GRIA4: variants seen among roughly 807,000 people sequenced by gnomAD.
The protein encoded by GRIA4 is glutamate receptor 4.
Under a neutral mutation model 104.0 loss-of-function variants are expected in GRIA4, and 34 were observed. The observed-to-expected ratio is 0.33, with a 90% CI of 0.25 to 0.44. GRIA4 has a LOEUF of 0.44. Ranked by LOEUF, GRIA4 falls within the 20% of genes least tolerant of loss-of-function variation. The probability of loss-of-function intolerance (pLI) is 1.00; values close to 1 mark genes in which losing one functional copy is unlikely to be tolerated. For missense variants in GRIA4, 750 were observed against 1,096.5 expected, an observed-to-expected ratio of 0.68 and a Z score of 4.46; for synonymous variants, 386 against 381.9, an observed-to-expected ratio of 1.01 and a Z score of -0.13.
At chr11:105,699,503 A>T (rs144054888) in intron 3 of GRIA4, among the ~76,000 whole-genome samples, 106 of 152,300 alleles carry the variant, frequency 7.0e-4, no homozygotes, top group African/African-American at 2.1e-3. Context: ...ATTTTCTTTC[A>T]GTCCGTTCTG....
chr11:105,678,948 T>TA (rs1182556646), intron 3 of GRIA4, among the ~76,000 whole-genome samples: 1 of 152,064 alleles, frequency 6.6e-6, no homozygotes, highest in Non-Finnish European at 1.5e-5. Flanking sequence ...CAGAATGCCC[T>TA]AAAAAACATG....
rs141773185 is a variant in GRIA4, at chr11:105,811,474, C to A, written c.488-50550C>A. ...GGTAGTAGCAGCTTCGAGGTCCCATCCTGTCAGTGAACGAAGGGGTGACTG... is the reference window on the plus strand; with the variant it reads ...GGTAGTAGCAGCTTCGAGGTCCCATACTGTCAGTGAACGAAGGGGTGACTG... On this transcript the variant is annotated intron_variant, in intron 4 of 16. Coordinates refer to ENST00000282499, the MANE Select transcript of GRIA4 (RefSeq NM_000829.4). Among the ~76,000 whole-genome samples the A allele has an allele frequency of 2.0e-3, 299 of 152,152 alleles. 2 individuals carry two copies. The highest frequency in any genetic ancestry group is 6.8e-3 in the African/African-American group (281 of 41,500).
chr11:105,691,079 TTGTGTGCGTGCAAACA>T (rs1439209150), intron 3 of GRIA4, among the ~76,000 whole-genome samples: 3 of 152,144 alleles, frequency 2.0e-5, no homozygotes, highest in Middle Eastern at 3.2e-3. Flanking sequence ...GTGTGTGGGC[TTGTGTGCGTGCAAACA>T]TGTGTGGAGA....
intron 4 of GRIA4, among the ~76,000 whole-genome samples, chr11:105,767,103 G>A (rs951497791): frequency 2.1e-4 from 32 of 152,220 alleles, no homozygotes; most frequent in African/African-American, 7.7e-4. Flanking sequence ...AACAGGAGGT[G>A]TTTCATATAT....
chr11:105,866,884 T>C (rs999615905), intron 5 of GRIA4, among the ~76,000 whole-genome samples: 1 of 151,946 alleles, frequency 6.6e-6, no homozygotes, highest in Non-Finnish European at 1.5e-5. Flanking sequence ...ATTTAAGGAA[T>C]CTAACCAAGT....
intron 3 of GRIA4, chr11:105,707,821 G>A (rs1432019499): frequency 1.3e-5 from 2 of 152,228 alleles, no homozygotes; most frequent in Admixed American, 1.3e-4. Flanking sequence ...GTGCTGCTGG[G>A]GTGGGCTACC....
chr11:105,717,344 A>G (rs12808612), intron 3 of GRIA4, among the ~76,000 whole-genome samples: 18,904 of 152,098 alleles, frequency 0.12, 1,392 homozygotes, highest in South Asian at 0.19. Context: ...TCTTAATGGG[A>G]ATTCTGCTCC....
chr11:105,833,212 G>A (rs193279420), intron 4 of GRIA4, among the ~76,000 whole-genome samples: 4 of 151,940 alleles, frequency 2.6e-5, no homozygotes, highest in African/African-American at 7.2e-5. Context: ...AACCATATAA[G>A]TTTCTTGGGT....
At chr11:105,888,399 T>C (rs936879324) in intron 6 of GRIA4, among the ~76,000 whole-genome samples, 29 of 143,122 alleles carry the variant, frequency 2.0e-4, no homozygotes, top group Admixed American at 1.5e-3. Flanking sequence ...TTCTCCTGCC[T>C]CAGCCTCCCA....
chr11:105,839,637 G>A (rs907237366), intron 4 of GRIA4, among the ~76,000 whole-genome samples: 1 of 151,690 alleles, frequency 6.6e-6, no homozygotes, highest in African/African-American at 2.4e-5. Flanking sequence ...CAGCCCAAGA[G>A]GTAGAGCTTG....
intron 3 of GRIA4, among the ~76,000 whole-genome samples, chr11:105,669,205 C>T (rs1448507285): frequency 2.0e-5 from 3 of 151,894 alleles, no homozygotes; most frequent in East Asian, 1.9e-4. Flanking sequence ...CTAATTTAGA[C>T]CGCAATTTTT....
chr11:105,634,450 AGAAAGAAAGAAAGAAAGG>A (rs1951131004), intron 3 of GRIA4, among the ~76,000 whole-genome samples: 1 of 23,648 alleles, frequency 4.2e-5, no homozygotes, highest in East Asian at 1.2e-3. Context: ...GGAAGGAAGG[AGAAAGAAAGAAAGAAAGG>A]GAAAGAAAGA....
intron 2 of GRIA4, 137 bp downstream of exon 2, chr11:105,611,222 C>T: frequency 1.4e-6 from 1 of 691,256 alleles, no homozygotes. Context: ...CTCTTCCTTT[C>T]TCTCCTTTGC....
chr11:105,625,231 T>C (rs766903195), intron 3 of GRIA4, among the ~76,000 whole-genome samples: 2 of 152,110 alleles, frequency 1.3e-5, no homozygotes, highest in Non-Finnish European at 2.9e-5. Context: ...AAAGACTCTA[T>C]CATGAAGGCC....
At chr11:105,968,858 T>C (rs1248629559) in intron 14 of GRIA4, among the ~76,000 whole-genome samples, 1 of 152,224 alleles carries the variant, frequency 6.6e-6, no homozygotes, top group Non-Finnish European at 1.5e-5. Flanking sequence ...TATGGTTTAG[T>C]CAAAGCACAA....
chr11:105,866,270 T>A (rs1945401952), intron 5 of GRIA4, among the ~76,000 whole-genome samples: 1 of 152,124 alleles, frequency 6.6e-6, no homozygotes, highest in Admixed American at 6.6e-5. Flanking sequence ...CTGTTTGCAG[T>A]GAAGTCTTTT....
In GRIA4 at chr11:105,836,266, G is replaced by C. The variant is rs529537005; in HGVS notation, c.488-25758G>C. On this transcript the variant is annotated intron_variant, in intron 4 of 16. Coordinates refer to ENST00000282499, the MANE Select transcript of GRIA4 (RefSeq NM_000829.4). ...TACTGGGTGCTGACTTGCTCTATTT[G>C]ACTCACTTATCTTGCTCAGGGGGCA... Among the ~76,000 whole-genome samples, 8 of 152,136 alleles carry C rather than the reference G, an allele frequency of 5.3e-5. No homozygotes were observed. In the East Asian group the frequency reaches 1.2e-3, roughly 22 times the overall value.
intron 10 of GRIA4, chr11:105,912,773 A>G: frequency 1.0e-6 from 1 of 981,648 alleles, no homozygotes; most frequent in Non-Finnish European, 1.2e-6. Flanking sequence ...GCTTTTGTTG[A>G]AAACGGTAGT....
intron 3 of GRIA4, 86 bp downstream of exon 3, chr11:105,612,520 T>C: frequency 1.8e-6 from 2 of 1,105,578 alleles, no homozygotes; most frequent in South Asian, 3.4e-5. Flanking sequence ...TTAATTTTTT[T>C]AGAAAGAATT....
Sources: allele counts gnomAD v4.1 joint callset (sites outside exome capture counted in the v4.1 genomes callset), GRCh38; gene constraint gnomAD v4.1.1; transcripts MANE v1.5; gene names NCBI Gene and HGNC (gene_info 2026-07-23, HGNC 2026-07-21).